Variants in KDM6A observed in about 807,000 individuals in gnomAD.
KDM6A encodes lysine demethylase 6A, also known as lysine-specific demethylase 6A.
A neutral mutation model predicts 117.6 loss-of-function variants in KDM6A; 11 were observed. That is an observed-to-expected ratio of 0.09 (90% CI 0.06 to 0.15). The LOEUF is 0.15. Ranked by LOEUF, KDM6A falls within the 10% of genes least tolerant of loss-of-function variation. KDM6A has a pLI of 1.00. For missense variants in KDM6A, 799 were observed against 1,077.3 expected (o/e 0.74, Z 3.62); for synonymous variants, 384 against 396.1 (o/e 0.97, Z 0.36).
chrX:44,936,608 T>C (rs946258761), intron 2 of KDM6A, among the ~76,000 whole-genome samples: 4 of 111,995 alleles, frequency 3.6e-5, no homozygotes, highest in African/African-American at 1.3e-4. Context: ...GTATCCCTTA[T>C]CTGAAATGCT....
chrX:45,064,823 A>C (rs1467711853), intron 17 of KDM6A, among the ~76,000 whole-genome samples: 2 of 111,994 alleles, frequency 1.8e-5, no homozygotes, highest in Non-Finnish European at 3.8e-5. Context: ...TCTTGAATTA[A>C]TATCCTTGGT....
At chrX:44,992,444 G>A (rs774835743) in intron 4 of KDM6A, among the ~76,000 whole-genome samples, 1 of 108,444 alleles carries the variant, frequency 9.2e-6, no homozygotes, top group South Asian at 4.0e-4. Flanking sequence ...GGCTGGTCCC[G>A]AACTCCCAGC....
chrX:44,892,280 C>T (rs998184690), intron 2 of KDM6A, among the ~76,000 whole-genome samples: 2 of 112,080 alleles, frequency 1.8e-5, no homozygotes, highest in African/African-American at 3.2e-5. Context: ...ATTTCGAGGC[C>T]GGGTACGGTG....
chrX:44,986,184 A>C (rs1200754077), intron 4 of KDM6A, among the ~76,000 whole-genome samples: 2 of 111,732 alleles, frequency 1.8e-5, no homozygotes, highest in Non-Finnish European at 3.8e-5. Flanking sequence ...TAGATTTTCT[A>C]GTTTATTTGT....
chrX:44,958,136 G>A (rs905923586), intron 2 of KDM6A, among the ~76,000 whole-genome samples: 2 of 110,201 alleles, frequency 1.8e-5, no homozygotes, highest in African/African-American at 3.3e-5. Context: ...TACACTAAAG[G>A]TATAGGATGA....
intron 2 of KDM6A, among the ~76,000 whole-genome samples, chrX:44,919,481 A>G (rs192563909): frequency 7.4e-4 from 82 of 111,007 alleles, no homozygotes; most frequent in African/African-American, 2.5e-3. Context: ...GTCATCAAAA[A>G]TTATACTCTC....
intron 2 of KDM6A, among the ~76,000 whole-genome samples, chrX:44,892,345 G>A (rs1163322640): frequency 9.0e-6 from 1 of 111,130 alleles, no homozygotes; most frequent in Non-Finnish European, 1.9e-5. Flanking sequence ...GATTACTTAG[G>A]GTCAGGAGTT....
intron 2 of KDM6A, among the ~76,000 whole-genome samples, chrX:44,905,630 A>G (rs2034605542): frequency 8.9e-6 from 1 of 111,796 alleles, no homozygotes; most frequent in African/African-American, 3.3e-5. Flanking sequence ...ATTTGGTTAA[A>G]TTGCTGTTTT....
At chrX:45,061,289 T>G (rs190722013) in intron 14 of KDM6A, 35 bp from the exon 15 acceptor site, 1 of 857,906 alleles carries the variant, frequency 1.2e-6, no homozygotes. Context: ...TAACCAAATA[T>G]TCTTTAATTT....
At chrX:44,883,648 A>G (rs2032537333) in intron 2 of KDM6A, among the ~76,000 whole-genome samples, 1 of 110,798 alleles carries the variant, frequency 9.0e-6, no homozygotes, top group African/African-American at 3.3e-5. Flanking sequence ...TTCTGGGATT[A>G]CAAGCGTGAG....
chrX:44,896,328 C>T (rs910749367), intron 2 of KDM6A, among the ~76,000 whole-genome samples: 3 of 110,861 alleles, frequency 2.7e-5, no homozygotes, highest in African/African-American at 6.6e-5. Flanking sequence ...CCGCCCGCCT[C>T]GGCCTCCCAA....
intron 6 of KDM6A, among the ~76,000 whole-genome samples, chrX:45,025,960 A>G (rs1465825962): frequency 8.9e-6 from 1 of 111,935 alleles, no homozygotes; most frequent in Non-Finnish European, 1.9e-5. Context: ...GAGACAGTAA[A>G]TGTTTCAAAG....
In KDM6A at chrX:45,070,372, G is replaced by A. The variant is rs1387365247; in HGVS notation, c.2858+15G>A. 21 of 1,195,829 alleles carry A rather than the reference G, an allele frequency of 1.8e-5. No individual in the cohort carries two copies. Among genetic ancestry groups the A allele is most frequent in the Admixed American group, 2.2e-5 (1 of 45,878 alleles). ...AAGGCATGCAGGTTAGTGTGGGAAA[G>A]TTCATCAAAGTGAAAATGTTTGACT... On this transcript the variant is annotated intron_variant, in intron 18 of 29. Coordinates refer to ENST00000611820, the MANE Select transcript of KDM6A (RefSeq NM_001291415.2).
In KDM6A at chrX:45,026,984, TGTTA is replaced by T. The variant is rs758681543; in HGVS notation, c.564+6258_564+6261del. On this transcript the variant is annotated intron_variant, in intron 6 of 29. Coordinates refer to ENST00000611820, the MANE Select transcript of KDM6A (RefSeq NM_001291415.2). ...TATTGACATTTTAATAGTATATTTT[TGTTA>T]GTTCAGTAGTCTGAAGATAATGAAA... Among the ~76,000 whole-genome samples the T allele has an allele frequency of 8.9e-5, 10 of 112,004 alleles. 1 individual carries two copies. The highest frequency in any genetic ancestry group is 9.3e-3 in the Middle Eastern group (2 of 214).
chrX:44,884,594 TG>T (rs1200624608), intron 2 of KDM6A, among the ~76,000 whole-genome samples: 2 of 111,859 alleles, frequency 1.8e-5, no homozygotes, highest in African/African-American at 6.5e-5. Flanking sequence ...GCTTGGTGCA[TG>T]AAAGGTGCTC....
intron 2 of KDM6A, 30 bp from the exon 3 acceptor site, chrX:44,961,254 G>T (rs2147167425): frequency 1.9e-6 from 2 of 1,046,549 alleles, no homozygotes; most frequent in Admixed American, 2.2e-5. Context: ...TTTATTTTTT[G>T]CTTACATATT....
intron 4 of KDM6A, among the ~76,000 whole-genome samples, chrX:44,999,177 A>G (rs948232490): frequency 2.7e-5 from 3 of 111,949 alleles, no homozygotes; most frequent in Non-Finnish European, 3.8e-5. Flanking sequence ...TGTTATATGT[A>G]AAGTTTCGGT....
chrX:45,061,857 G>A (rs1338013856), intron 15 of KDM6A, among the ~76,000 whole-genome samples: 1 of 109,002 alleles, frequency 9.2e-6, no homozygotes, highest in Non-Finnish European at 1.9e-5. Context: ...AGTAAAATGA[G>A]CCTGCATTTA....
chrX:45,032,398 G>A (rs1389404158), intron 6 of KDM6A, among the ~76,000 whole-genome samples: 1 of 111,494 alleles, frequency 9.0e-6, no homozygotes. Flanking sequence ...TCCCTACCCC[G>A]GTTCTTCATC....
Sources: gnomAD v4.1 joint callset for allele counts (sites outside exome capture counted in the v4.1 genomes callset) on GRCh38, gnomAD v4.1.1 for gene constraint, MANE v1.5 for transcripts, NCBI Gene and HGNC (gene_info 2026-07-23, HGNC 2026-07-21) for gene names.